The following FAM53A variants were observed in gnomAD, a reference collection of about 807,000 sequenced individuals.
FAM53A encodes the protein protein FAM53A.
In FAM53A, 28 loss-of-function variants were observed where a neutral mutation model predicts 26.6. The observed-to-expected ratio is 1.05, with a 90% confidence interval of 0.78 to 1.45. The LOEUF (loss-of-function observed/expected upper bound fraction) is 1.45, where lower values mean the gene tolerates loss of function less well. FAM53A is among the 40% of genes most tolerant of loss of function. The probability of loss-of-function intolerance (pLI) is 0.00; values close to 1 mark genes in which losing one functional copy is unlikely to be tolerated. For synonymous variants in FAM53A, 290 were observed against 253.1 expected (o/e 1.15, Z -1.38); for missense variants, 650 against 575.8 (o/e 1.13, Z -1.32).
upstream of FAM53A, among the ~76,000 whole-genome samples, chr4:1,685,800 T>C (rs1347330164): frequency 6.6e-6 from 1 of 152,082 alleles, no homozygotes; most frequent in African/African-American, 2.4e-5. Context: ...ACAAGTGTCT[T>C]TGTGACATGG....
chr4:1,675,179 G>A (rs1183970775), intron 1 of FAM53A, among the ~76,000 whole-genome samples: 1 of 152,226 alleles, frequency 6.6e-6, no homozygotes, highest in East Asian at 1.9e-4. Context: ...TGGGTTCCAG[G>A]TAGATGTAGA....
chr4:1,638,806 C>CCCT (rs1247852093), downstream of FAM53A, among the ~76,000 whole-genome samples: 1 of 152,208 alleles, frequency 6.6e-6, no homozygotes, highest in Admixed American at 6.5e-5. Context: ...TCAGTGGCCC[C>CCCT]CCTCCTCCTG....
In FAM53A at chr4:1,627,867, A is replaced by C. The variant is rs964609321; in HGVS notation, c.432-9756T>G. Among the ~76,000 whole-genome samples the C allele has an allele frequency of 4.6e-5, 7 of 151,740 alleles. No homozygotes were observed. In the East Asian group the frequency reaches 1.2e-3, roughly 26 times the overall value. ...AGCTTGAGCCATGAGCCTCCCACCC[A>C]CCATGAAGTGACTCTGGGAGAGACA... On this transcript the variant is annotated intron_variant, in intron 1 of 1. Transcript: ENST00000489029.
At chr4:1,663,596 G>A (rs954349657) in intron 2 of FAM53A, among the ~76,000 whole-genome samples, 3 of 152,228 alleles carry the variant, frequency 2.0e-5, no homozygotes, top group African/African-American at 4.8e-5. Context: ...TGTCCACCAC[G>A]GCAGCCACCA....
intron 4 of FAM53A, among the ~76,000 whole-genome samples, chr4:1,652,631 C>G (rs963650007): frequency 6.7e-6 from 1 of 148,276 alleles, no homozygotes; most frequent in African/African-American, 2.5e-5. Flanking sequence ...ACACACCAGA[C>G]ACACCCACCA....
chr4:1,666,884 C>G (rs1214559865), intron 2 of FAM53A, among the ~76,000 whole-genome samples: 1 of 152,076 alleles, frequency 6.6e-6, no homozygotes, highest in Non-Finnish European at 1.5e-5. Flanking sequence ...AATCCCAGGA[C>G]TTTGGGAGGC....
the FAM53A span, among the ~76,000 whole-genome samples, chr4:1,610,869 G>A: frequency 1.3e-5 from 2 of 152,258 alleles, no homozygotes; most frequent in South Asian, 2.1e-4. Context: ...CCCGGGCCCC[G>A]GCTGCCCTCT....
At chr4:1,676,201 G>A (rs761687916) in intron 1 of FAM53A, among the ~76,000 whole-genome samples, 9 of 152,186 alleles carry the variant, frequency 5.9e-5, no homozygotes, top group South Asian at 2.1e-4. Context: ...GGACCAAGAC[G>A]CCAGCAGGGC....
intron 2 of FAM53A, among the ~76,000 whole-genome samples, chr4:1,668,057 T>C (rs1454978171): frequency 2.6e-5 from 4 of 152,030 alleles, no homozygotes; most frequent in African/African-American, 4.8e-5. Context: ...GATTGGATGG[T>C]AACAGGCACA....
chr4:1,652,349 CCA>C (rs1038627835), intron 4 of FAM53A, among the ~76,000 whole-genome samples: 3 of 138,134 alleles, frequency 2.2e-5, no homozygotes, highest in East Asian at 4.2e-4. Context: ...TATACACACA[CCA>C]CACGTCACAC....
the FAM53A span, among the ~76,000 whole-genome samples, chr4:1,606,244 ACC>A: frequency 4.0e-5 from 6 of 150,338 alleles, no homozygotes; most frequent in African/African-American, 1.5e-4. Context: ...ACAGGGTTTC[ACC>A]GTGTTAGCCA....
At chr4:1,638,556 G>A, downstream of FAM53A, among the ~76,000 whole-genome samples, 1 of 152,180 alleles carries the variant, frequency 6.6e-6, no homozygotes, top group East Asian at 1.9e-4. Context: ...GAGGTTTGGG[G>A]AAGGAGGAGA....
chr4:1,581,930 C>T, the FAM53A span, among the ~76,000 whole-genome samples: 1 of 151,532 alleles, frequency 6.6e-6, no homozygotes, highest in Non-Finnish European at 1.5e-5. Flanking sequence ...GCTCTGTCAT[C>T]TGGGTGTGAG....
chr4:1,584,149 G>A, the FAM53A span, among the ~76,000 whole-genome samples: 10 of 152,250 alleles, frequency 6.6e-5, no homozygotes, highest in South Asian at 2.1e-4. Context: ...ATGGCCTATC[G>A]AATTCTTTGT....
chr4:1,649,818 A>G (rs115667979), intron 4 of FAM53A, among the ~76,000 whole-genome samples: 2,075 of 149,880 alleles, frequency 0.014, 50 homozygotes, highest in African/African-American at 0.046. Context: ...TGGCTCAGGC[A>G]TGGTGTTTGT....
At chr4:1,581,695 A>G in the FAM53A span, among the ~76,000 whole-genome samples, 1 of 152,156 alleles carries the variant, frequency 6.6e-6, no homozygotes, top group Non-Finnish European at 1.5e-5. Flanking sequence ...CTCTGGGTTC[A>G]AGCAATTCTC....
At chr4:1,606,422 C>T in the FAM53A span, among the ~76,000 whole-genome samples, 2 of 152,068 alleles carry the variant, frequency 1.3e-5, no homozygotes, top group South Asian at 2.1e-4. Context: ...CTCTTCCCGC[C>T]GCGGGCTCCT....
At chr4:1,601,459 C>G in the FAM53A span, among the ~76,000 whole-genome samples, 5 of 112,448 alleles carry the variant, frequency 4.4e-5, 2 homozygotes, top group Admixed American at 3.0e-4. Flanking sequence ...CCCTGTCATC[C>G]CAGCTCCTAG....
Position 1,643,567 on chromosome 4 carries a change from A to ATT in FAM53A, c.883-1962_883-1961dup, listed in dbSNP as rs71167742. Among the ~76,000 whole-genome samples, 764 of 140,656 alleles carry ATT rather than the reference A, an allele frequency of 5.4e-3. 7 individuals carry two copies. The highest frequency in any genetic ancestry group is 0.015 in the African/African-American group (558 of 37,884). The allele number at this position is 140,656 out of a possible 152,430, so 92.3% of individuals were successfully genotyped here. A position where few individuals can be genotyped will look rare whatever the true frequency, so the allele number is the denominator to read the frequency against. ...CTGAGAAGTAAAATTCTAAAGAATA[A>ATT]TTTTTTTTTTTTTTTTTGAGACAGG... On this transcript the variant is annotated intron_variant, in intron 4 of 4. Transcript: ENST00000308132.
Sources: gnomAD v4.1 joint callset for allele counts (sites outside exome capture counted in the v4.1 genomes callset) on GRCh38, gnomAD v4.1.1 for gene constraint, MANE v1.5 for transcripts, NCBI Gene and HGNC (gene_info 2026-07-23, HGNC 2026-07-21) for gene names.